Variants in NCALD observed in about 807,000 individuals in gnomAD.
NCALD encodes neurocalcin-delta.
In NCALD, 10 loss-of-function variants were observed where a neutral mutation model predicts 18.6. The ratio of observed to expected loss-of-function variants is 0.54; its 90% CI spans 0.33 to 0.91. The LOEUF (loss-of-function observed/expected upper bound fraction) is 0.91, where lower values mean the gene tolerates loss of function less well. Ranked by LOEUF, NCALD falls within the 40% of genes least tolerant of loss-of-function variation. NCALD has a pLI of 0.03. For synonymous variants in NCALD, 88 were observed against 87.4 expected (o/e 1.01, Z -0.04); for missense variants, 184 against 247.6 (o/e 0.74, Z 1.72).
intron 1 of NCALD, among the ~76,000 whole-genome samples, chr8:101,790,253 C>T (rs1236283658): frequency 6.6e-6 from 1 of 152,226 alleles, no homozygotes; most frequent in Admixed American, 6.5e-5. Context: ...TCCACCCCAA[C>T]TTCCTTGGCA....
intron 2 of NCALD, among the ~76,000 whole-genome samples, chr8:102,004,240 C>A (rs1436582257): frequency 6.6e-6 from 1 of 152,088 alleles, no homozygotes; most frequent in Non-Finnish European, 1.5e-5. Context: ...CAACAACAGA[C>A]AAAGAGAGAG....
intron 3 of NCALD, among the ~76,000 whole-genome samples, chr8:101,898,342 AATAAG>A (rs1817287230): frequency 6.6e-6 from 1 of 152,200 alleles, no homozygotes; most frequent in Non-Finnish European, 1.5e-5. Context: ...TATCATTTAC[AATAAG>A]ATATCTCTTT....
At chr8:102,110,445 G>A (rs999148607) in intron 1 of NCALD, among the ~76,000 whole-genome samples, 19 of 152,062 alleles carry the variant, frequency 1.2e-4, no homozygotes, top group African/African-American at 4.1e-4. Context: ...TTATTAGAAA[G>A]CACTCCACTT....
intron 1 of NCALD, among the ~76,000 whole-genome samples, chr8:102,025,187 G>T (rs374043373): frequency 6.6e-6 from 1 of 152,160 alleles, no homozygotes. Flanking sequence ...CCCCTCGCTA[G>T]CTACTCTTCA....
At chr8:101,857,919 T>A (rs1815384320) in intron 4 of NCALD, among the ~76,000 whole-genome samples, 2 of 152,128 alleles carry the variant, frequency 1.3e-5, no homozygotes, top group South Asian at 4.1e-4. Flanking sequence ...CCTGACAAAT[T>A]AGCAAAGATA....
At chr8:102,046,941 G>C (rs61093256) in intron 1 of NCALD, among the ~76,000 whole-genome samples, 36,758 of 151,982 alleles carry the variant, frequency 0.24, 4,721 homozygotes, top group Non-Finnish European at 0.27. Flanking sequence ...CAGTACCCAA[G>C]AGTTAACCTT....
chr8:101,840,883 C>A (rs764727493), intron 4 of NCALD, among the ~76,000 whole-genome samples: 7 of 152,102 alleles, frequency 4.6e-5, no homozygotes, highest in Non-Finnish European at 8.8e-5. Flanking sequence ...ACTTGAAGAG[C>A]TACTGTTTGA....
chr8:101,916,551 G>A (rs1037534201), intron 2 of NCALD, among the ~76,000 whole-genome samples: 1 of 152,072 alleles, frequency 6.6e-6, no homozygotes, highest in Non-Finnish European at 1.5e-5. Flanking sequence ...TGGTTTCAAT[G>A]TTCCCACTTA....
intron 3 of NCALD, among the ~76,000 whole-genome samples, chr8:101,902,215 T>C (rs913175336): frequency 2.0e-5 from 3 of 152,006 alleles, no homozygotes; most frequent in African/African-American, 4.8e-5. Flanking sequence ...ATTCTACTTA[T>C]AAGTTCACTG....
chr8:101,729,826 G>A (rs1463530716), intron 1 of NCALD, among the ~76,000 whole-genome samples: 1 of 152,102 alleles, frequency 6.6e-6, no homozygotes, highest in African/African-American at 2.4e-5. Context: ...GTTTTTCCAA[G>A]TTTTATTTTT....
At chr8:101,903,309 G>C (rs997808724) in intron 3 of NCALD, among the ~76,000 whole-genome samples, 1 of 151,066 alleles carries the variant, frequency 6.6e-6, no homozygotes, top group African/African-American at 2.4e-5. Context: ...TGATTCTCCT[G>C]CCTCAGCCTC....
intron 4 of NCALD, among the ~76,000 whole-genome samples, chr8:101,846,229 GT>G (rs1024837740): frequency 3.9e-5 from 6 of 152,092 alleles, no homozygotes; most frequent in South Asian, 2.1e-4. Context: ...TCTATTTTTA[GT>G]TTTTTGAGGA....
intron 2 of NCALD, among the ~76,000 whole-genome samples, chr8:102,008,967 C>CAA: frequency 7.7e-6 from 1 of 129,102 alleles, no homozygotes; most frequent in East Asian, 2.6e-4. Flanking sequence ...CACACACACA[C>CAA]AAGCCCTAAA....
At chr8:102,045,192 A>G (rs2132194335) in intron 1 of NCALD, among the ~76,000 whole-genome samples, 1 of 152,302 alleles carries the variant, frequency 6.6e-6, no homozygotes, top group South Asian at 2.1e-4. Context: ...CAGGGTCATT[A>G]AGCAGTAATC....
rs376551437 is a variant in NCALD at position 101,785,263 on chromosome 8, C to A, written c.-20+5599G>T. ...CTCTTCCAATTCTGACGGATTCTTC[C>A]TGCCTCCTCGGGGGATGGTGGTGGC... On this transcript the variant is annotated intron_variant, in intron 1 of 3. Transcript: ENST00000220931. Among the ~76,000 whole-genome samples the A allele has an allele frequency of 7.9e-5, 12 of 152,278 alleles. No homozygotes were observed. The East Asian group carries it at 2.1e-3, about 27-fold the overall frequency.
At chr8:101,827,244 C>T (rs990061776) in intron 4 of NCALD, among the ~76,000 whole-genome samples, 1 of 152,140 alleles carries the variant, frequency 6.6e-6, no homozygotes. Context: ...TGTCAAATCT[C>T]CCTCTGCCTT....
At chr8:101,801,593 C>G (rs531866684) in intron 4 of NCALD, among the ~76,000 whole-genome samples, 1 of 136,286 alleles carries the variant, frequency 7.3e-6, no homozygotes, top group East Asian at 2.3e-4. Context: ...ATGCATTTCT[C>G]AGTTGTCCAT....
chr8:102,000,541 C>T (rs1170259914), intron 2 of NCALD, among the ~76,000 whole-genome samples: 2 of 152,186 alleles, frequency 1.3e-5, no homozygotes, highest in South Asian at 2.1e-4. Context: ...GTGGTTCTCC[C>T]AGCACACAGC....
chr8:102,116,660 C>T (rs582862), intron 1 of NCALD, among the ~76,000 whole-genome samples: 129,427 of 152,064 alleles, frequency 0.85, 55,679 homozygotes, highest in African/African-American at 0.96. Context: ...TTTTCTTTTA[C>T]TTATTTTTAT....
Sources: gnomAD v4.1 joint callset for allele counts (sites outside exome capture counted in the v4.1 genomes callset) on GRCh38, gnomAD v4.1.1 for gene constraint, MANE v1.5 for transcripts, NCBI Gene and HGNC (gene_info 2026-07-23, HGNC 2026-07-21) for gene names.